Variants in NRXN1 observed in about 807,000 individuals in gnomAD.
NRXN1 encodes neurexin 1.
NRXN1 carries 39 observed loss-of-function variants against 150.9 expected under a neutral mutation model. The ratio of observed to expected loss-of-function variants is 0.26; its 90% confidence interval spans 0.20 to 0.34. The LOEUF (loss-of-function observed/expected upper bound fraction) is 0.34, where lower values mean the gene tolerates loss of function less well. Ranked by LOEUF, NRXN1 falls within the 10% of genes least tolerant of loss-of-function variation. NRXN1 has a pLI of 1.00. For missense variants in NRXN1, 1,815 were observed against 1,949.9 expected (o/e 0.93, Z 1.30); for synonymous variants, 924 against 757.0 (o/e 1.22, Z -3.62).
intron 18 of NRXN1, among the ~76,000 whole-genome samples, chr2:50,176,447 T>G (rs996110409): frequency 3.9e-5 from 6 of 152,114 alleles, no homozygotes; most frequent in Admixed American, 3.9e-4. Flanking sequence ...TTAGAGTGTT[T>G]AATGGCATGC....
chr2:50,372,040 A>T lies in NRXN1; in HGVS notation c.3364+93402T>A, dbSNP rs139995454. On this transcript the variant is annotated intron_variant, in intron 17 of 22. Transcript: ENST00000401669. ...AAGTACTACCCTTTGCAGCCATGAG[A>T]AACAAAATCACTGTTGCTTACTCCA... is the stretch of plus-strand genomic sequence containing the variant. 5.8e-3 allele frequency among the ~76,000 whole-genome samples: 876 copies of T among 152,180 alleles called. 7 individuals are homozygous for T. Among genetic ancestry groups the T allele is most frequent in the African/African-American group, 0.019 (803 of 41,544 alleles).
intron 17 of NRXN1, among the ~76,000 whole-genome samples, chr2:50,239,298 C>G (rs2065767380): frequency 6.6e-6 from 1 of 151,364 alleles, no homozygotes; most frequent in Admixed American, 6.6e-5. Flanking sequence ...TAATTTTTTT[C>G]CTTTTTTAAA....
intron 18 of NRXN1, among the ~76,000 whole-genome samples, chr2:50,144,819 G>A (rs891605436): frequency 1.3e-5 from 2 of 151,526 alleles, no homozygotes; most frequent in African/African-American, 4.8e-5. Flanking sequence ...GGTTCTATAT[G>A]CTCTTGAAAA....
chr2:50,812,925 G>A (rs1007527252), intron 5 of NRXN1, among the ~76,000 whole-genome samples: 12 of 151,854 alleles, frequency 7.9e-5, no homozygotes, highest in African/African-American at 2.2e-4. Flanking sequence ...CAAAGCTGTC[G>A]CAATAACATA....
At chr2:50,640,600 A>G (rs1683933848) in intron 5 of NRXN1, among the ~76,000 whole-genome samples, 1 of 152,172 alleles carries the variant, frequency 6.6e-6, no homozygotes, top group Admixed American at 6.6e-5. Context: ...ATATTTATGT[A>G]AAACCACACA....
At chr2:50,906,252 TAAAATGG>T (rs1467792294) in intron 5 of NRXN1, among the ~76,000 whole-genome samples, 1 of 152,160 alleles carries the variant, frequency 6.6e-6, no homozygotes, top group Non-Finnish European at 1.5e-5. Flanking sequence ...ATCCATGTAC[TAAAATGG>T]AAATCAGAAG....
intron 21 of NRXN1, among the ~76,000 whole-genome samples, chr2:50,016,303 G>A (rs768566961): frequency 1.4e-4 from 21 of 152,072 alleles, no homozygotes; most frequent in Non-Finnish European, 2.5e-4. Context: ...AAACTTAGGG[G>A]CCTTTCTTTG....
At chr2:50,208,419 C>T (rs914735623) in intron 18 of NRXN1, among the ~76,000 whole-genome samples, 2 of 152,094 alleles carry the variant, frequency 1.3e-5, no homozygotes, top group African/African-American at 2.4e-5. Flanking sequence ...AAATACAGTT[C>T]CGGTCTCCCT....
At chr2:50,839,249 CTTA>C (rs1324723265) in intron 5 of NRXN1, among the ~76,000 whole-genome samples, 1 of 152,030 alleles carries the variant, frequency 6.6e-6, no homozygotes, top group African/African-American at 2.4e-5. Context: ...AATTGAAATT[CTTA>C]TTAACTTAGT....
intron 18 of NRXN1, among the ~76,000 whole-genome samples, chr2:50,112,937 A>G (rs1399817873): frequency 6.6e-6 from 1 of 152,198 alleles, no homozygotes; most frequent in Non-Finnish European, 1.5e-5. Flanking sequence ...TTGGAACACA[A>G]GACATCTGGT....
intron 21 of NRXN1, among the ~76,000 whole-genome samples, chr2:49,998,489 A>G (rs1333888354): frequency 1.3e-5 from 2 of 152,072 alleles, no homozygotes; most frequent in South Asian, 2.1e-4. Context: ...ACTTTTTTCA[A>G]AACTTTTTTT....
chr2:50,671,123 A>G (rs1216061965), intron 5 of NRXN1, among the ~76,000 whole-genome samples: 1 of 151,818 alleles, frequency 6.6e-6, no homozygotes, highest in Non-Finnish European at 1.5e-5. Context: ...ATAAATCTTT[A>G]AAAACATGAC....
chr2:50,444,277 A>G (rs1417233862), intron 17 of NRXN1, among the ~76,000 whole-genome samples: 2 of 152,192 alleles, frequency 1.3e-5, no homozygotes, highest in African/African-American at 2.4e-5. Flanking sequence ...AAGTAATAAG[A>G]TTTCATAGAA....
At chr2:50,175,592 A>G (rs1192234547) in intron 18 of NRXN1, among the ~76,000 whole-genome samples, 1 of 151,754 alleles carries the variant, frequency 6.6e-6, no homozygotes, top group African/African-American at 2.4e-5. Context: ...GATAGAATAT[A>G]CACACATTTA....
intron 8 of NRXN1, chr2:50,589,396 T>G (rs2103779641): frequency 6.6e-6 from 1 of 152,286 alleles, no homozygotes; most frequent in South Asian, 2.1e-4. Flanking sequence ...TAAGGAAGGA[T>G]CAACTGTCCA....
chr2:50,861,229 T>C (rs1676087092), intron 5 of NRXN1, among the ~76,000 whole-genome samples: 1 of 152,012 alleles, frequency 6.6e-6, no homozygotes, highest in Non-Finnish European at 1.5e-5. Context: ...GATCTTATTA[T>C]TTTGAGACAG....
chr2:50,026,094 A>T (rs1476027613), intron 21 of NRXN1, among the ~76,000 whole-genome samples: 1 of 152,208 alleles, frequency 6.6e-6, no homozygotes, highest in Non-Finnish European at 1.5e-5. Context: ...ACTTCCTTAG[A>T]AAATACATCA....
chr2:50,808,419 A>C (rs1284412071), intron 5 of NRXN1, among the ~76,000 whole-genome samples: 1 of 152,106 alleles, frequency 6.6e-6, no homozygotes, highest in Non-Finnish European at 1.5e-5. Flanking sequence ...AAATTAACCA[A>C]CTACCATTAC....
At chr2:50,507,196 G>A (rs959337565) in intron 12 of NRXN1, among the ~76,000 whole-genome samples, 2 of 152,074 alleles carry the variant, frequency 1.3e-5, no homozygotes, top group Admixed American at 6.6e-5. Flanking sequence ...TGCTCAACAC[G>A]TTCTTAGGTT....
Sources: allele counts gnomAD v4.1 joint callset (sites outside exome capture counted in the v4.1 genomes callset), GRCh38; gene constraint gnomAD v4.1.1; transcripts MANE v1.5; gene names NCBI Gene and HGNC (gene_info 2026-07-23, HGNC 2026-07-21).